The following WASHC5 variants were observed in gnomAD, a reference collection of about 807,000 sequenced individuals.
The protein encoded by WASHC5 is WASH complex subunit strumpellin.
A neutral mutation model predicts 150.4 loss-of-function variants in WASHC5; 101 were observed. That is an observed-to-expected ratio of 0.67 (90% CI 0.57 to 0.79). The LOEUF is 0.79. WASHC5 is among the 30% of genes least tolerant of loss of function. WASHC5 has a pLI of 0.00. For missense variants in WASHC5, 1,195 were observed against 1,396.3 expected (o/e 0.86, Z 2.30); for synonymous variants, 467 against 491.2 (o/e 0.95, Z 0.65).
chr8:125,079,752 T>C (rs1223950062), intron 5 of WASHC5, among the ~76,000 whole-genome samples: 1 of 152,210 alleles, frequency 6.6e-6, no homozygotes, highest in African/African-American at 2.4e-5. Flanking sequence ...GTGAAGACTA[T>C]ATATAGCCTC....
At chr8:125,070,589 T>C (rs905867349) in intron 9 of WASHC5, among the ~76,000 whole-genome samples, 6 of 152,200 alleles carry the variant, frequency 3.9e-5, no homozygotes, top group African/African-American at 1.4e-4. Context: ...CTTGAGTTGT[T>C]TATACGCTTG....
Position 125,082,455 on chromosome 8 carries a change from A to G in WASHC5, c.345T>C (p.Asp115=), listed in dbSNP as rs773410687. 2.6e-6 allele frequency: 4 copies of G among 1,560,538 alleles called. No individual in the cohort carries two copies. The highest frequency in any genetic ancestry group is 3.5e-6 in the Non-Finnish European group (4 of 1,131,972). The part of the protein sequence containing the change: ...YIVDLNRYLD[D]LNEGVYIQQT... ...GCTGAATATAAACCCCTTCATTGAG[A>G]TCATCTAGATATCTAGAAATAAAAC... is the stretch of plus-strand genomic sequence containing the variant. Residue 115 remains aspartate (D), a synonymous_variant, in exon 4 of 29, where the codon GAT becomes GAC. Transcript: ENST00000318410.
chr8:125,076,777 C>G (rs1817076510), intron 6 of WASHC5, among the ~76,000 whole-genome samples: 1 of 145,846 alleles, frequency 6.9e-6, no homozygotes, highest in South Asian at 2.2e-4. Context: ...ATTCCTGTGT[C>G]TCCCACCACT....
chr8:125,039,682 T>C, intron 24 of WASHC5, 113 bp downstream of exon 24: 1 of 753,286 alleles, frequency 1.3e-6, no homozygotes, highest in South Asian at 1.5e-5. Flanking sequence ...AGCCTGTAAA[T>C]TCAGACCTTC....
chr8:125,060,716 G>GT (rs1400407294), intron 12 of WASHC5, among the ~76,000 whole-genome samples: 1 of 151,756 alleles, frequency 6.6e-6, no homozygotes, highest in Non-Finnish European at 1.5e-5. Context: ...TTCCTTTCTG[G>GT]TTTTTTCCCC....
In WASHC5 at chr8:125,075,098, T is replaced by G; in HGVS notation, c.878A>C (p.Tyr293Ser). Residue 293 changes from tyrosine (Y) to serine (S), a missense_variant, in exon 8 of 29, where the codon TAC (tyrosine) becomes TCC (serine). Transcript: ENST00000318410. ...TACTAGATTAACTGTGATCCCCATG[T>G]AAATACTAATTACCTGAAAGAGGAG... ...YFPDNWVISI[Y>S]MGITVNLVDA... The G allele has an allele frequency of 1.3e-6, 2 of 1,595,294 alleles. No individual in the cohort carries two copies. The highest frequency in any genetic ancestry group is 4.5e-5 in the East Asian group (2 of 44,698).
chr8:125,025,858 A>ACACACACACACACAC (rs10705586), intron 28 of WASHC5, among the ~76,000 whole-genome samples: 6 of 151,704 alleles, frequency 4.0e-5, no homozygotes, highest in South Asian at 2.1e-4. Flanking sequence ...ACACACACAC[A>ACACACACACACACAC]ATCAAAATTA....
intron 6 of WASHC5, 61 bp downstream of exon 6, chr8:125,078,677 G>T: frequency 7.6e-7 from 1 of 1,322,962 alleles, no homozygotes; most frequent in Non-Finnish European, 1.1e-6. Context: ...AGTAATTAAA[G>T]AGGGAAGTGA....
At chr8:125,070,471 G>A (rs1170103681) in intron 9 of WASHC5, among the ~76,000 whole-genome samples, 1 of 152,188 alleles carries the variant, frequency 6.6e-6, no homozygotes, top group African/African-American at 2.4e-5. Context: ...GGAGACTGCC[G>A]GCTTTCCGAA....
chr8:125,027,568 T>C (rs1444656950), intron 28 of WASHC5, among the ~76,000 whole-genome samples: 3 of 152,194 alleles, frequency 2.0e-5, no homozygotes, highest in Non-Finnish European at 4.4e-5. Context: ...AGCTAAGCTA[T>C]GAGGACGCAA....
chr8:125,049,227 AT>A, intron 18 of WASHC5, 42 bp from the exon 19 acceptor site: 1 of 1,594,464 alleles, frequency 6.3e-7, no homozygotes, highest in Non-Finnish European at 8.6e-7. Context: ...ACTGGAGTAG[AT>A]TGTCAACTAT....
chr8:125,086,728 G>C (rs1183829683), intron 1 of WASHC5, among the ~76,000 whole-genome samples: 1 of 152,192 alleles, frequency 6.6e-6, no homozygotes, highest in Admixed American at 6.5e-5. Flanking sequence ...AGGCCTGGCA[G>C]TATCTCCTTT....
At chr8:125,087,409 C>T (rs911518649) in intron 1 of WASHC5, among the ~76,000 whole-genome samples, 1 of 152,058 alleles carries the variant, frequency 6.6e-6, no homozygotes, top group Non-Finnish European at 1.5e-5. Context: ...GAGGGAACAA[C>T]AAGTAGGTGA....
intron 9 of WASHC5, among the ~76,000 whole-genome samples, chr8:125,068,134 G>T (rs945112540): frequency 6.6e-6 from 1 of 152,116 alleles, no homozygotes; most frequent in Non-Finnish European, 1.5e-5. Flanking sequence ...ATTCAGTAAC[G>T]GACTGCTATC....
At chr8:125,048,138 G>A (rs1422649933) in intron 19 of WASHC5, among the ~76,000 whole-genome samples, 1 of 152,178 alleles carries the variant, frequency 6.6e-6, no homozygotes, top group Non-Finnish European at 1.5e-5. Flanking sequence ...CGAGAAGCGA[G>A]AACTAAGATG....
chr8:125,055,468 C>T (rs564947965), intron 17 of WASHC5, 123 bp downstream of exon 17: 8 of 755,796 alleles, frequency 1.1e-5, no homozygotes, highest in Middle Eastern at 2.3e-4. Flanking sequence ...AAAATGAAGA[C>T]CGAAATTGGA....
At chr8:125,031,561 C>T (rs556628067) in intron 27 of WASHC5, among the ~76,000 whole-genome samples, 13 of 152,226 alleles carry the variant, frequency 8.5e-5, no homozygotes, top group African/African-American at 2.9e-4. Flanking sequence ...CCACTGTGCC[C>T]AGCCGCTTTG....
chr8:125,084,735 T>C (rs2130226133), intron 1 of WASHC5, among the ~76,000 whole-genome samples: 1 of 152,354 alleles, frequency 6.6e-6, no homozygotes, highest in South Asian at 2.1e-4. Context: ...GATTGATCTT[T>C]ACCCAACCAC....
In WASHC5 at chr8:125,056,715, T is replaced by G; in HGVS notation, c.1978A>C (p.Lys660Gln). The change falls in exon 16 of 29, where the codon AAG (lysine) becomes CAG (glutamine). Residue 660 changes from lysine (K) to glutamine (Q), a missense_variant. Transcript: ENST00000318410. Reference protein sequence around the residue: ...IEVPTRLDKDKLRDYAQLGPR... With the variant: ...IEVPTRLDKDQLRDYAQLGPR... ...CCTAGCTGAGCATAGTCCCTCAGCT[T>G]GTCTTTGTCCAGGCGGGTAGGCACT... The G allele has an allele frequency of 6.2e-7, 1 of 1,614,138 alleles. No individual in the cohort carries two copies. Among genetic ancestry groups the G allele is most frequent in the Non-Finnish European group, 8.5e-7 (1 of 1,180,020 alleles).
Sources: allele counts gnomAD v4.1 joint callset (sites outside exome capture counted in the v4.1 genomes callset), GRCh38; gene constraint gnomAD v4.1.1; transcripts MANE v1.5; gene names NCBI Gene and HGNC (gene_info 2026-07-23, HGNC 2026-07-21).